The following MMP26 variants were observed in gnomAD, a reference collection of about 807,000 sequenced individuals.
The protein encoded by MMP26 is matrix metalloproteinase-26.
A neutral mutation model predicts 31.0 loss-of-function variants in MMP26; 33 were observed. That is an observed-to-expected ratio of 1.06 (90% CI 0.81 to 1.42). The LOEUF (loss-of-function observed/expected upper bound fraction) is 1.42. Among genes scored for constraint, MMP26 ranks in the 40% most tolerant of loss-of-function variants. MMP26 has a pLI of 0.00. For synonymous variants in MMP26, 122 were observed against 114.9 expected (o/e 1.06, Z -0.40); for missense variants, 347 against 316.1 (o/e 1.10, Z -0.74).
intron 2 of MMP26, among the ~76,000 whole-genome samples, chr11:4,933,732 C>A: frequency 8.0e-6 from 1 of 125,304 alleles, no homozygotes; most frequent in African/African-American, 3.0e-5. Context: ...CCTCCCCCCA[C>A]CCCACCACAG....
chr11:4,901,952 T>C (rs7935375), intron 2 of MMP26, among the ~76,000 whole-genome samples: 4,976 of 152,288 alleles, frequency 0.033, 268 homozygotes, highest in African/African-American at 0.11. Context: ...ACATAAATAC[T>C]ACATACTTGA....
intron 2 of MMP26, among the ~76,000 whole-genome samples, chr11:4,929,999 A>C (rs998932086): frequency 6.6e-6 from 1 of 152,148 alleles, no homozygotes; most frequent in Admixed American, 6.6e-5. Flanking sequence ...TTGTTCAAAA[A>C]TGTACTTGGA....
chr11:4,725,568 A>G (rs1848088200), intron 1 of MMP26, among the ~76,000 whole-genome samples: 1 of 152,208 alleles, frequency 6.6e-6, no homozygotes, highest in South Asian at 2.1e-4. Flanking sequence ...GGTAGTATGG[A>G]CACAGTATCT....
At chr11:4,948,827 A>G (rs1392606795) in intron 2 of MMP26, among the ~76,000 whole-genome samples, 1 of 125,048 alleles carries the variant, frequency 8.0e-6, no homozygotes, top group Non-Finnish European at 1.8e-5. Context: ...CTTAGTTGCC[A>G]ATTGCCTACT....
chr11:4,918,994 C>T (rs920827097), intron 2 of MMP26, among the ~76,000 whole-genome samples: 7 of 152,218 alleles, frequency 4.6e-5, no homozygotes, highest in Non-Finnish European at 8.8e-5. Flanking sequence ...TTTTGCCCAC[C>T]TAACTTGCTT....
rs898169317 is a variant in MMP26 at position 4,875,626 on chromosome 11, C to T, written c.-145+108285C>T. On this transcript the variant is annotated intron_variant, in intron 2 of 7. Coordinates refer to ENST00000380390, the MANE Select transcript of MMP26 (RefSeq NM_021801.5). Reference sequence around the variant, plus strand: ...CAGTCCTGCTCAAGCTGCCATCTTTCTGGTTCTCTGCAGTGACAAAGGTTA... The same window carrying T: ...CAGTCCTGCTCAAGCTGCCATCTTTTTGGTTCTCTGCAGTGACAAAGGTTA... The T allele has an allele frequency of 5.9e-5, 9 of 152,116 alleles. No homozygotes were observed. The East Asian group carries it at 1.7e-3, about 29-fold the overall frequency. 9.4% of individuals were successfully genotyped at this position (152,116 alleles called of 1,614,324 possible).
intron 2 of MMP26, among the ~76,000 whole-genome samples, chr11:4,941,275 A>G (rs1846202273): frequency 6.6e-6 from 1 of 152,214 alleles, no homozygotes; most frequent in Admixed American, 6.5e-5. Context: ...GCCAGCAACC[A>G]CATATAGCCA....
intron 2 of MMP26, among the ~76,000 whole-genome samples, chr11:4,987,418 T>C (rs1431259372): frequency 1.3e-5 from 2 of 151,548 alleles, no homozygotes; most frequent in Non-Finnish European, 2.9e-5. Context: ...TTTTTTTTTG[T>C]TTTTTGTTTT....
chr11:4,758,560 G>A (rs1848533769), intron 1 of MMP26, among the ~76,000 whole-genome samples: 1 of 148,208 alleles, frequency 6.7e-6, no homozygotes, highest in South Asian at 2.1e-4. Context: ...ATATCAAAAA[G>A]CCACATACAG....
chr11:4,718,176 A>G (rs1322083098), intron 1 of MMP26, among the ~76,000 whole-genome samples: 1 of 151,970 alleles, frequency 6.6e-6, no homozygotes, highest in Non-Finnish European at 1.5e-5. Context: ...GGAGATAAAG[A>G]GAGGATTTTT....
At chr11:4,712,261 G>A (rs1006798815) in intron 1 of MMP26, 3 of 152,132 alleles carry the variant, frequency 2.0e-5, no homozygotes, top group Non-Finnish European at 2.9e-5. Flanking sequence ...TCATTCTTAA[G>A]GTGTTTAAAT....
chr11:4,824,373 C>T (rs905952491), intron 2 of MMP26, among the ~76,000 whole-genome samples: 2 of 152,076 alleles, frequency 1.3e-5, no homozygotes, highest in African/African-American at 4.8e-5. Flanking sequence ...CCATTCTAGC[C>T]TTTCTATCCT....
At chr11:4,763,851 T>A (rs967083820) in intron 1 of MMP26, among the ~76,000 whole-genome samples, 1 of 152,218 alleles carries the variant, frequency 6.6e-6, no homozygotes, top group Admixed American at 6.5e-5. Context: ...TATCTTAAAG[T>A]TTAATAGTAT....
intron 2 of MMP26, among the ~76,000 whole-genome samples, chr11:4,949,143 C>T (rs373724316): frequency 8.9e-5 from 11 of 124,180 alleles, no homozygotes; most frequent in African/African-American, 3.0e-4. Flanking sequence ...CATATAGTAG[C>T]TTATTAAATA....
chr11:4,978,001 T>G (rs1353709064), intron 2 of MMP26, among the ~76,000 whole-genome samples: 1 of 151,940 alleles, frequency 6.6e-6, no homozygotes, highest in Non-Finnish European at 1.5e-5. Flanking sequence ...ATGGGGATGG[T>G]TCCCCCATGT....
At chr11:4,976,610 C>T (rs1194204651) in intron 2 of MMP26, among the ~76,000 whole-genome samples, 1 of 151,974 alleles carries the variant, frequency 6.6e-6, no homozygotes, top group Non-Finnish European at 1.5e-5. Flanking sequence ...GACTCTAGCC[C>T]TTCTACCTTG....
At chr11:4,975,848 A>C (rs922091490) in intron 2 of MMP26, among the ~76,000 whole-genome samples, 1 of 152,034 alleles carries the variant, frequency 6.6e-6, no homozygotes, top group Non-Finnish European at 1.5e-5. Flanking sequence ...TGTTTTTGAC[A>C]TACAGTAACT....
intron 2 of MMP26, among the ~76,000 whole-genome samples, chr11:4,929,592 C>A (rs1407507714): frequency 1.3e-5 from 2 of 152,002 alleles, no homozygotes; most frequent in African/African-American, 4.8e-5. Flanking sequence ...AATAACTGTT[C>A]ATTCAAATTA....
At position 4,849,822 on chromosome 11, in the gene MMP26, T is replaced by A. The variant is rs533469020; in HGVS notation, c.-145+82481T>A. 4.6e-5 allele frequency among the ~76,000 whole-genome samples: 7 copies of A among 152,350 alleles called. No homozygotes were observed. The East Asian group carries it at 7.7e-4, about 17-fold the overall frequency. ...TTTACTTAACTTTGCTGTGTCCCTA[T>A]GATTTATACATGGGTATTTAAAATT... On this transcript the variant is annotated intron_variant, in intron 2 of 7. Coordinates refer to ENST00000380390, the MANE Select transcript of MMP26 (RefSeq NM_021801.5).
Sources: allele counts gnomAD v4.1 joint callset (sites outside exome capture counted in the v4.1 genomes callset), GRCh38; gene constraint gnomAD v4.1.1; transcripts MANE v1.5; gene names NCBI Gene and HGNC (gene_info 2026-07-23, HGNC 2026-07-21).